CDCA2: variants seen among roughly 807,000 people sequenced by gnomAD.
CDCA2 encodes cell division cycle-associated protein 2.
A neutral mutation model predicts 67.0 loss-of-function variants in CDCA2; 44 were observed. The ratio of observed to expected loss-of-function variants is 0.66; its 90% CI spans 0.52 to 0.84. The LOEUF (loss-of-function observed/expected upper bound fraction) is 0.84. Among genes scored for constraint, CDCA2 ranks in the 40% least tolerant of loss-of-function variants. The probability of loss-of-function intolerance (pLI) is 0.00; values close to 1 mark genes in which losing one functional copy is unlikely to be tolerated. For synonymous variants in CDCA2, 447 were observed against 418.7 expected, an observed-to-expected ratio of 1.07 and a Z score of -0.82; for missense variants, 1,253 against 1,203.2, an observed-to-expected ratio of 1.04 and a Z score of -0.61.
intron 13 of CDCA2, among the ~76,000 whole-genome samples, chr8:25,492,494 T>C (rs1804050863): frequency 6.6e-6 from 1 of 152,000 alleles, no homozygotes; most frequent in Admixed American, 6.6e-5. Context: ...GAAAGGTATG[T>C]CACATAAGAA....
In CDCA2 at chr8:25,507,535, C is replaced by G; in HGVS notation, c.2869C>G (p.Pro957Ala). ...GCAGATGGCACCTCCCGTCTCAGAT[C>G]CAGAAAACAGCCAGGGCCCTGCTGC... ...KPQMAPPVSD[P>A]ENSQGPAAGS... The change falls in exon 15 of 15, where the codon CCA (proline) becomes GCA (alanine). Residue 957 changes from proline to alanine, a missense_variant. Coordinates refer to ENST00000330560, the MANE Select transcript of CDCA2 (RefSeq NM_152562.4). 1.2e-6 allele frequency: 2 copies of G among 1,613,974 alleles called. No homozygotes were observed. Among genetic ancestry groups the G allele is most frequent in the Non-Finnish European group, 1.7e-6 (2 of 1,179,982 alleles).
intron 12 of CDCA2, among the ~76,000 whole-genome samples, chr8:25,487,630 C>T (rs1803834100): frequency 6.6e-6 from 1 of 152,066 alleles, no homozygotes; most frequent in Admixed American, 6.6e-5. Context: ...GTAGTCCCAG[C>T]TACTAGGGAG....
intron 12 of CDCA2, among the ~76,000 whole-genome samples, chr8:25,488,161 T>C (rs1344486130): frequency 6.6e-6 from 1 of 152,148 alleles, no homozygotes; most frequent in Non-Finnish European, 1.5e-5. Context: ...GCTTATAGGG[T>C]TGGATATTAA....
chr8:25,488,707 G>T lies in CDCA2; in HGVS notation c.1671+18G>T. On this transcript the variant is annotated intron_variant, in intron 13 of 14. Transcript: ENST00000330560. ...AGAGTCAGGTAAGCATGTGTTTAAAGATATAATAAAGAGTAGAAGTGGTGT... is the reference window on the plus strand; with the variant it reads ...AGAGTCAGGTAAGCATGTGTTTAAATATATAATAAAGAGTAGAAGTGGTGT... 6.4e-7 allele frequency: 1 copy of T among 1,573,326 alleles called. No individual in the cohort carries two copies. The highest frequency in any genetic ancestry group is 8.6e-7 in the Non-Finnish European group (1 of 1,165,594).
Position 25,507,700 on chromosome 8 carries a change from T to A in CDCA2, c.3034T>A (p.Leu1012Met), listed in dbSNP as rs1170776763. 1 of 1,613,448 alleles carries A rather than the reference T, an allele frequency of 6.2e-7. No individual in the cohort carries two copies. The highest frequency in any genetic ancestry group is 1.7e-5 in the Admixed American group (1 of 59,836). ...GAAGGGAGAGAGCTCTCTGACTGCC[T>A]TGGAAAGGATTGAACATAATGGAGA... ...NGKGESSLTA[L>M]ERIEHNGERK... Residue 1012 changes from leucine to methionine, a missense_variant, in exon 15 of 15, where the codon TTG (leucine) becomes ATG (methionine). Coordinates refer to ENST00000330560, the MANE Select transcript of CDCA2 (RefSeq NM_152562.4).
chr8:25,502,899 C>T (rs1383867816), intron 13 of CDCA2, among the ~76,000 whole-genome samples: 2 of 152,128 alleles, frequency 1.3e-5, no homozygotes, highest in African/African-American at 2.4e-5. Context: ...TTCCTACCCT[C>T]GATTTAGATG....
intron 13 of CDCA2, among the ~76,000 whole-genome samples, chr8:25,489,645 C>G (rs1410939057): frequency 1.3e-5 from 2 of 152,208 alleles, no homozygotes; most frequent in Admixed American, 1.3e-4. Context: ...AATACTAAAG[C>G]CAGTGCATAC....
upstream of CDCA2, chr8:25,459,176 C>G (rs964591516): frequency 4.6e-5 from 7 of 152,110 alleles, no homozygotes; most frequent in African/African-American, 1.7e-4. Context: ...AGAGTAAATT[C>G]GGTACCGAGG....
chr8:25,462,257 T>G, intron 4 of CDCA2, 49 bp downstream of exon 4: 1 of 1,583,256 alleles, frequency 6.3e-7, no homozygotes, highest in Non-Finnish European at 8.7e-7. Flanking sequence ...ATGAAGCTTT[T>G]GTGCTTTCTT....
intron 4 of CDCA2, among the ~76,000 whole-genome samples, chr8:25,464,955 C>A (rs1039313572): frequency 6.6e-5 from 10 of 152,022 alleles, no homozygotes; most frequent in Non-Finnish European, 1.5e-4. Flanking sequence ...ACGATATGAA[C>A]TGCTTTTTCT....
At position 25,506,701 on chromosome 8, in the gene CDCA2, A is replaced by G; in HGVS notation, c.2035A>G (p.Asn679Asp). 1 of 1,611,272 alleles carries G rather than the reference A, an allele frequency of 6.2e-7. No individual in the cohort carries two copies. The change falls in exon 15 of 15, where the codon AAT (asparagine) becomes GAT (aspartate). Residue 679 changes from asparagine to aspartate, a missense_variant. Transcript: ENST00000330560. ...CAATGCTACTTCTGATGAAGATCCA[A>G]ATACAAATATAATGAACATTAATGA... ...LGNATSDEDP[N>D]TNIMNINENK...
chr8:25,487,184 G>A lies in CDCA2; in HGVS notation c.1445-62G>A, dbSNP rs1803809783. ...ATATCCTAAACACAGTGTTTCCAAAGGAAGATGTATGTTATAGTTTTTGGT... is the reference window on the plus strand; with the variant it reads ...ATATCCTAAACACAGTGTTTCCAAAAGAAGATGTATGTTATAGTTTTTGGT... On this transcript the variant is annotated intron_variant, in intron 11 of 14. Coordinates refer to ENST00000330560, the MANE Select transcript of CDCA2 (RefSeq NM_152562.4). 7 of 978,582 alleles carry A rather than the reference G, an allele frequency of 7.2e-6. No individual in the cohort carries two copies. The South Asian group carries it at 9.3e-5, about 13-fold the overall frequency. The allele number at this position is 978,582 out of a possible 1,614,324, so 60.6% of individuals were successfully genotyped here.
At position 25,488,643 on chromosome 8, in the gene CDCA2, C is replaced by T; in HGVS notation, c.1625C>T (p.Ser542Phe). ...GAAAAGAAAATTAATAGGAGGAAGT[C>T]TCAAGAAACAAAGTGTACAAAGAGA... ...CKEKKINRRK[S>F]QETKCTKRAL... Residue 542 changes from serine (S) to phenylalanine (F), a missense_variant, in exon 13 of 15, where the codon TCT (serine) becomes TTT (phenylalanine). Transcript: ENST00000330560. The T allele has an allele frequency of 6.2e-7, 1 of 1,612,528 alleles. No homozygotes were observed. Among genetic ancestry groups the T allele is most frequent in the Non-Finnish European group, 8.5e-7 (1 of 1,179,542 alleles).
intron 13 of CDCA2, among the ~76,000 whole-genome samples, chr8:25,502,048 C>T (rs1202249329): frequency 6.6e-6 from 1 of 152,148 alleles, no homozygotes; most frequent in Non-Finnish European, 1.5e-5. Flanking sequence ...CAGGTGCGCA[C>T]CACCACGCCC....
At chr8:25,483,941 A>C in intron 9 of CDCA2, 25 bp from the exon 10 acceptor site, 2 of 1,583,088 alleles carry the variant, frequency 1.3e-6, no homozygotes, top group South Asian at 2.2e-5. Flanking sequence ...TTTTTAAGTT[A>C]CTCTCATTTA....
chr8:25,487,226 G>A lies in CDCA2; in HGVS notation c.1445-20G>A. On this transcript the variant is annotated intron_variant, in intron 11 of 14. Transcript: ENST00000330560. ...GTTTTTGGTTTCCTACCCTGATTTA[G>A]CTTTTGTCTTGTTTATCAGGCACTG... 4.5e-6 allele frequency: 7 copies of A among 1,554,520 alleles called. No homozygotes were observed. Among genetic ancestry groups the A allele is most frequent in the Non-Finnish European group, 6.2e-6 (7 of 1,127,154 alleles).
intron 13 of CDCA2, 138 bp downstream of exon 13, chr8:25,488,827 A>G: frequency 1.5e-6 from 1 of 647,130 alleles, no homozygotes; most frequent in Non-Finnish European, 2.3e-6. Context: ...CGTGGAGTAG[A>G]ATGGGGTGGG....
chr8:25,489,336 A>C (rs938172851), intron 13 of CDCA2, among the ~76,000 whole-genome samples: 1 of 151,638 alleles, frequency 6.6e-6, no homozygotes, highest in African/African-American at 2.4e-5. Context: ...CAGCCTATTC[A>C]CTCTCTTACT....
intron 13 of CDCA2, among the ~76,000 whole-genome samples, chr8:25,489,384 C>A (rs890477723): frequency 6.6e-6 from 1 of 152,202 alleles, no homozygotes; most frequent in Non-Finnish European, 1.5e-5. Context: ...TTCAGATACA[C>A]CTGAAGTTCA....
Sources: allele counts gnomAD v4.1 joint callset (sites outside exome capture counted in the v4.1 genomes callset), GRCh38; gene constraint gnomAD v4.1.1; transcripts MANE v1.5; gene names NCBI Gene and HGNC (gene_info 2026-07-23, HGNC 2026-07-21).